The following SEMA3A variants were observed in gnomAD, a reference collection of about 807,000 sequenced individuals.
The protein encoded by SEMA3A is semaphorin-3A.
Under a neutral mutation model 97.9 loss-of-function variants are expected in SEMA3A, and 29 were observed. The ratio of observed to expected loss-of-function variants is 0.30; its 90% CI spans 0.22 to 0.40. The LOEUF is 0.40. Ranked by LOEUF, SEMA3A falls within the 10% of genes least tolerant of loss-of-function variation. SEMA3A has a pLI of 1.00. For missense variants in SEMA3A, 763 were observed against 951.3 expected, an observed-to-expected ratio of 0.80 and a Z score of 2.60; for synonymous variants, 321 against 323.7, an observed-to-expected ratio of 0.99 and a Z score of 0.09.
intron 4 of SEMA3A, among the ~76,000 whole-genome samples, chr7:84,094,823 C>T: frequency 6.6e-6 from 1 of 151,898 alleles, no homozygotes; most frequent in East Asian, 1.9e-4. Context: ...ATGGACAATG[C>T]CCAGGTAAAT....
intron 4 of SEMA3A, among the ~76,000 whole-genome samples, chr7:84,105,013 T>C (rs917091): frequency 0.43 from 65,048 of 151,992 alleles, 15,016 homozygotes; most frequent in Admixed American, 0.53. Context: ...ATGAGGGATA[T>C]GCTGCATCTG....
At chr7:84,384,063 C>A (rs759933268) in intron 1 of SEMA3A, among the ~76,000 whole-genome samples, 3 of 152,078 alleles carry the variant, frequency 2.0e-5, no homozygotes, top group Non-Finnish European at 2.9e-5. Context: ...TTCTAGGACA[C>A]GACTGTCTCA....
chr7:84,160,286 G>A (rs16887642), intron 1 of SEMA3A, among the ~76,000 whole-genome samples: 13,607 of 151,166 alleles, frequency 0.09, 799 homozygotes, highest in East Asian at 0.19. Flanking sequence ...TCGTTAGTTC[G>A]TTCTAAACTA....
At chr7:84,105,056 A>T (rs2115916556) in intron 4 of SEMA3A, among the ~76,000 whole-genome samples, 1 of 152,194 alleles carries the variant, frequency 6.6e-6, no homozygotes, top group Non-Finnish European at 1.5e-5. Context: ...TTGCCAATGA[A>T]TCTCGACTTT....
intron 2 of SEMA3A, among the ~76,000 whole-genome samples, chr7:84,364,826 T>G (rs1376374079): frequency 1.4e-5 from 2 of 138,970 alleles, no homozygotes; most frequent in East Asian, 2.1e-4. Flanking sequence ...GACTGAGGAG[T>G]GAGAGAAAAA....
chr7:84,042,480 T>C (rs1402208929), intron 6 of SEMA3A, among the ~76,000 whole-genome samples: 2 of 151,984 alleles, frequency 1.3e-5, no homozygotes, highest in Non-Finnish European at 2.9e-5. Flanking sequence ...GACTCAAATA[T>C]AATCACTCAC....
At chr7:84,466,950 C>A (rs1806013955) in intron 1 of SEMA3A, among the ~76,000 whole-genome samples, 1 of 151,668 alleles carries the variant, frequency 6.6e-6, no homozygotes, top group Non-Finnish European at 1.5e-5. Context: ...TCTTCTCTCT[C>A]AGCCCATAAA....
chr7:84,022,113 G>A (rs866738557), intron 6 of SEMA3A, among the ~76,000 whole-genome samples: 9 of 152,100 alleles, frequency 5.9e-5, no homozygotes, highest in African/African-American at 2.2e-4. Context: ...TAGAAAACAT[G>A]TCTCTCAATT....
intron 3 of SEMA3A, among the ~76,000 whole-genome samples, chr7:84,290,903 A>ATT (rs970243978): frequency 2.0e-5 from 3 of 151,968 alleles, no homozygotes. Flanking sequence ...TTAAAGCATT[A>ATT]TTTGTCTAAT....
At chr7:84,050,963 G>A (rs970674615) in intron 5 of SEMA3A, among the ~76,000 whole-genome samples, 3 of 151,612 alleles carry the variant, frequency 2.0e-5, no homozygotes, top group Admixed American at 6.6e-5. Context: ...TTATTAAATA[G>A]GGAATCCTTT....
At chr7:84,411,648 A>C (rs1444826018) in intron 1 of SEMA3A, among the ~76,000 whole-genome samples, 1 of 151,924 alleles carries the variant, frequency 6.6e-6, no homozygotes, top group Non-Finnish European at 1.5e-5. Context: ...TTAACTATCT[A>C]CATTTCAAAA....
intron 2 of SEMA3A, among the ~76,000 whole-genome samples, chr7:84,331,145 C>G (rs1408033158): frequency 6.6e-6 from 1 of 152,048 alleles, no homozygotes; most frequent in Non-Finnish European, 1.5e-5. Flanking sequence ...GAGTAATCTC[C>G]AAATCCTACT....
At chr7:84,440,206 G>C (rs1477654639) in intron 1 of SEMA3A, among the ~76,000 whole-genome samples, 1 of 152,158 alleles carries the variant, frequency 6.6e-6, no homozygotes, top group Non-Finnish European at 1.5e-5. Context: ...TTGGAAATCT[G>C]GAGTCCGTTG....
At chr7:84,053,908 G>A (rs1464509897) in intron 5 of SEMA3A, among the ~76,000 whole-genome samples, 33 of 137,492 alleles carry the variant, frequency 2.4e-4, no homozygotes, top group African/African-American at 8.1e-4. Flanking sequence ...GGCAGGCCTG[G>A]TGGTGACAAA....
At chr7:84,218,287 T>G (rs1258222389) in intron 3 of SEMA3A, among the ~76,000 whole-genome samples, 3 of 152,074 alleles carry the variant, frequency 2.0e-5, no homozygotes, top group African/African-American at 7.2e-5. Context: ...ATTTAAAAAT[T>G]TAAGATGTTT....
chr7:84,079,157 C>A (rs1002701962), intron 4 of SEMA3A, among the ~76,000 whole-genome samples: 2 of 151,758 alleles, frequency 1.3e-5, no homozygotes, highest in Non-Finnish European at 2.9e-5. Flanking sequence ...GTTTTTTTAA[C>A]TACAATGTTT....
intron 6 of SEMA3A, among the ~76,000 whole-genome samples, chr7:84,038,632 T>C (rs1792026959): frequency 6.6e-6 from 1 of 152,078 alleles, no homozygotes; most frequent in African/African-American, 2.4e-5. Context: ...CCAAAGATTA[T>C]AGTTGATGAC....
chr7:84,119,488 A>C lies in SEMA3A; in HGVS notation c.334-8899T>G, dbSNP rs1037161329. 2.0e-5 allele frequency among the ~76,000 whole-genome samples: 3 copies of C among 152,230 alleles called. No individual in the cohort carries two copies. The South Asian group carries it at 6.2e-4, about 31-fold the overall frequency. On this transcript the variant is annotated intron_variant, in intron 3 of 16. Coordinates refer to ENST00000265362, the MANE Select transcript of SEMA3A (RefSeq NM_006080.3). ...AATGGCAGAATTTTGGGAAAGTTTC[A>C]TGATGTCCTGTGGACATAAGAAGCT...
chr7:84,433,999 A>T (rs1182506055), intron 1 of SEMA3A, among the ~76,000 whole-genome samples: 1 of 152,054 alleles, frequency 6.6e-6, no homozygotes, highest in Non-Finnish European at 1.5e-5. Context: ...CAGATTGTAA[A>T]AACTTTCTCC....
Sources: gnomAD v4.1 joint callset for allele counts (sites outside exome capture counted in the v4.1 genomes callset) on GRCh38, gnomAD v4.1.1 for gene constraint, MANE v1.5 for transcripts, NCBI Gene and HGNC (gene_info 2026-07-23, HGNC 2026-07-21) for gene names.